The following ELF1 variants were observed in gnomAD, a reference collection of about 807,000 sequenced individuals.
ELF1 encodes the protein E74 like ETS transcription factor 1.
Under a neutral mutation model 59.9 loss-of-function variants are expected in ELF1, and 24 were observed. The observed-to-expected ratio is 0.40, with a 90% CI of 0.29 to 0.56. The LOEUF is 0.56. Ranked by LOEUF, ELF1 falls within the 20% of genes least tolerant of loss-of-function variation. The pLI is 0.44. For missense variants in ELF1, 627 were observed against 742.2 expected, an observed-to-expected ratio of 0.84 and a Z score of 1.80; for synonymous variants, 248 against 266.2, an observed-to-expected ratio of 0.93 and a Z score of 0.67.
At chr13:40,958,398 G>C (rs1416744049) in intron 3 of ELF1, among the ~76,000 whole-genome samples, 1 of 152,050 alleles carries the variant, frequency 6.6e-6, no homozygotes, top group Non-Finnish European at 1.5e-5. Flanking sequence ...AGGCATATAA[G>C]AAAGTACTCA....
intron 5 of ELF1, among the ~76,000 whole-genome samples, chr13:40,947,588 A>G (rs983692084): frequency 6.6e-6 from 1 of 152,212 alleles, no homozygotes; most frequent in South Asian, 2.1e-4. Context: ...TACCACTAAC[A>G]TTAGGAATTG....
intron 1 of ELF1, among the ~76,000 whole-genome samples, chr13:41,055,867 T>C (rs61169310): frequency 0.039 from 5,953 of 151,912 alleles, 275 homozygotes; most frequent in East Asian, 0.2. Context: ...TTTTTTTTTT[T>C]CTTTGGTAGA....
In ELF1 at chr13:40,981,609, TGAA is replaced by T. The variant is rs149214974; in HGVS notation, c.72+371_72+373del. ...GACCGCTAACGTTGTCTCATCTACT[TGAA>T]GAAGTAGCCCATGATTACAAACATT... On this transcript the variant is annotated intron_variant, in intron 2 of 8. Transcript: ENST00000239882. Among the ~76,000 whole-genome samples the T allele has an allele frequency of 2.7e-3, 417 of 152,240 alleles. 6 individuals carry two copies. In the East Asian group the frequency reaches 0.052, roughly 19 times the overall value.
rs1869532885 is a variant in ELF1, at chr13:40,933,338, T to C, written c.*87A>G. On this transcript the variant is annotated 3_prime_UTR_variant, in exon 9 of 9. Coordinates refer to ENST00000239882, the MANE Select transcript of ELF1 (RefSeq NM_172373.4). ...AACAATTACAAAATTAGAAACCTCCTTAGAATTTATCTTAGAATCAGTCAG... is the reference window on the plus strand; with the variant it reads ...AACAATTACAAAATTAGAAACCTCCCTAGAATTTATCTTAGAATCAGTCAG... 2.7e-6 allele frequency: 4 copies of C among 1,489,518 alleles called. No individual in the cohort carries two copies. In the South Asian group the frequency reaches 5.6e-5, roughly 21 times the overall value. 92.3% of individuals were successfully genotyped at this position (1,489,518 alleles called of 1,614,324 possible).
At chr13:41,016,243 C>CA (rs1401586047) in intron 1 of ELF1, among the ~76,000 whole-genome samples, 1 of 152,160 alleles carries the variant, frequency 6.6e-6, no homozygotes, top group African/African-American at 2.4e-5. Flanking sequence ...ATGATGGCCA[C>CA]ACTGTGGACG....
chr13:41,053,112 G>A (rs1877148871), intron 1 of ELF1, among the ~76,000 whole-genome samples: 1 of 152,148 alleles, frequency 6.6e-6, no homozygotes, highest in Admixed American at 6.5e-5. Context: ...TCAGCACTTT[G>A]GGAGGCTGAG....
At chr13:41,051,482 T>G (rs1418520199) in intron 1 of ELF1, among the ~76,000 whole-genome samples, 1 of 151,958 alleles carries the variant, frequency 6.6e-6, no homozygotes, top group Non-Finnish European at 1.5e-5. Context: ...ACAGCTGAGG[T>G]AAAATGAATC....
chr13:41,019,085 A>G (rs1875581349), intron 1 of ELF1, 143 bp downstream of exon 1: 1 of 639,710 alleles, frequency 1.6e-6, no homozygotes, highest in South Asian at 7.0e-5. Flanking sequence ...ATTAAGTTCA[A>G]TCAGGCATGT....
chr13:41,034,788 A>AT (rs1360825686), intron 1 of ELF1, among the ~76,000 whole-genome samples: 11 of 136,148 alleles, frequency 8.1e-5, no homozygotes, highest in Non-Finnish European at 1.4e-4. Context: ...TAATATTCCT[A>AT]TTAAAAAAAA....
intron 1 of ELF1, among the ~76,000 whole-genome samples, chr13:41,046,949 C>T (rs1198662167): frequency 6.6e-6 from 1 of 152,240 alleles, no homozygotes; most frequent in Non-Finnish European, 1.5e-5. Flanking sequence ...GGTCTTTTCA[C>T]ATAGTCCCAC....
chr13:40,963,785 T>G (rs760880381), intron 2 of ELF1, among the ~76,000 whole-genome samples: 2 of 152,064 alleles, frequency 1.3e-5, no homozygotes, highest in Non-Finnish European at 2.9e-5. Context: ...CATGAGCCTA[T>G]AGTCCCAGCT....
intron 1 of ELF1, among the ~76,000 whole-genome samples, chr13:40,995,068 TTC>T (rs1382159579): frequency 6.6e-6 from 1 of 152,186 alleles, no homozygotes. Flanking sequence ...AGAAACTGTA[TTC>T]TGTTATAAGA....
At position 41,039,337 on chromosome 13, in the gene ELF1, A is replaced by T. The variant is rs79537682; in HGVS notation, c.-229+21501T>A. On this transcript the variant is annotated intron_variant, in intron 1 of 1. Coordinates refer to the ELF1 transcript ENST00000405737. ...AAATATGACAAAAAGTCCTTTTTTT[A>T]AAAAAAAAAAAAAAAAAAAACCTAT... Among the ~76,000 whole-genome samples the T allele has an allele frequency of 8.0e-3, 1,060 of 132,120 alleles. 4 individuals carry two copies. The highest frequency in any genetic ancestry group is 0.026 in the African/African-American group (917 of 34,962). 86.7% of individuals were successfully genotyped at this position (132,120 alleles called of 152,430 possible). A position where few individuals can be genotyped will look rare whatever the true frequency, so the allele number is the denominator to read the frequency against.
chr13:41,049,726 C>G (rs935112396), intron 1 of ELF1, among the ~76,000 whole-genome samples: 2 of 152,120 alleles, frequency 1.3e-5, no homozygotes, highest in African/African-American at 4.8e-5. Context: ...ACAGAAACGT[C>G]ATGTCCTTAG....
intron 2 of ELF1, among the ~76,000 whole-genome samples, chr13:40,977,698 TC>T (rs955697200): frequency 2.2e-4 from 33 of 152,150 alleles, no homozygotes; most frequent in African/African-American, 7.7e-4. Flanking sequence ...AAGTTAAAAA[TC>T]CCAACAGGGT....
intron 1 of ELF1, chr13:40,982,889 T>G: frequency 1.0e-6 from 1 of 985,230 alleles, no homozygotes; most frequent in Non-Finnish European, 1.2e-6. Context: ...TGGCTTCTTT[T>G]TTAATGCACT....
chr13:41,017,673 C>T (rs1171205017), intron 1 of ELF1, among the ~76,000 whole-genome samples: 1 of 151,972 alleles, frequency 6.6e-6, no homozygotes, highest in African/African-American at 2.4e-5. Context: ...TTTAACTGTA[C>T]CAGCTTCTTA....
intron 5 of ELF1, among the ~76,000 whole-genome samples, chr13:40,948,398 C>T (rs1870635703): frequency 1.3e-5 from 2 of 152,200 alleles, no homozygotes; most frequent in Admixed American, 6.5e-5. Context: ...TGTCCGATAC[C>T]CCATCTTGCG....
intron 1 of ELF1, among the ~76,000 whole-genome samples, chr13:41,025,921 A>T (rs979494832): frequency 6.6e-6 from 1 of 152,112 alleles, no homozygotes; most frequent in Admixed American, 6.5e-5. Flanking sequence ...TTTTTCCCCC[A>T]TACCTGTCCA....
Sources: gnomAD v4.1 joint callset for allele counts (sites outside exome capture counted in the v4.1 genomes callset) on GRCh38, gnomAD v4.1.1 for gene constraint, MANE v1.5 for transcripts, NCBI Gene and HGNC (gene_info 2026-07-23, HGNC 2026-07-21) for gene names.